FGF12: variants seen among roughly 807,000 people sequenced by gnomAD.
The protein encoded by FGF12 is fibroblast growth factor 12.
Under a neutral mutation model 23.6 loss-of-function variants are expected in FGF12, and 14 were observed. The observed-to-expected ratio is 0.59, with a 90% CI of 0.39 to 0.93. The LOEUF (loss-of-function observed/expected upper bound fraction) is 0.93. Ranked by LOEUF, FGF12 falls within the 40% of genes least tolerant of loss-of-function variation. The probability of loss-of-function intolerance (pLI) is 0.00; values close to 1 mark genes in which losing one functional copy is unlikely to be tolerated. For missense variants in FGF12, 175 were observed against 217.8 expected, an observed-to-expected ratio of 0.80 and a Z score of 1.24; for synonymous variants, 62 against 77.3, an observed-to-expected ratio of 0.80 and a Z score of 1.04.
chr3:192,314,156 G>A (rs753837883), intron 4 of FGF12, among the ~76,000 whole-genome samples: 5 of 152,038 alleles, frequency 3.3e-5, no homozygotes, highest in Admixed American at 2.0e-4. Flanking sequence ...CCAGCCTCCA[G>A]AACTGTGAGA....
rs201341148 is a variant in FGF12, at chr3:192,461,279, A to AG, written c.14-100742dup. 1.8e-3 allele frequency among the ~76,000 whole-genome samples: 277 copies of AG among 152,320 alleles called. 3 individuals carry two copies. In the East Asian group the frequency reaches 0.03, roughly 16 times the overall value. Reference sequence around the variant, plus strand: ...TGCACACCTCCAGCTCAAAACATTCAGGCTTGAGATCATCAAAAAGAAAGT... The same window carrying AG: ...TGCACACCTCCAGCTCAAAACATTCAGGGCTTGAGATCATCAAAAAGAAAGT... On this transcript the variant is annotated intron_variant, in intron 2 of 5. Coordinates refer to ENST00000445105, the MANE Select transcript of FGF12 (RefSeq NM_004113.6).
At chr3:192,345,463 G>C (rs1190154973) in intron 3 of FGF12, among the ~76,000 whole-genome samples, 1 of 43,138 alleles carries the variant, frequency 2.3e-5, no homozygotes, top group Non-Finnish European at 3.4e-5. Flanking sequence ...CGAGGCGGGC[G>C]GATCACGAGG....
chr3:192,201,200 T>G (rs1717348914), intron 4 of FGF12, among the ~76,000 whole-genome samples: 1 of 152,216 alleles, frequency 6.6e-6, no homozygotes, highest in Non-Finnish European at 1.5e-5. Flanking sequence ...GTTCTAAATG[T>G]GTAATTTCCT....
intron 2 of FGF12, among the ~76,000 whole-genome samples, chr3:192,387,880 C>T (rs942885896): frequency 2.1e-4 from 32 of 152,042 alleles, no homozygotes; most frequent in Non-Finnish European, 4.4e-5. Flanking sequence ...CAGTGAGACA[C>T]TGTCTCCAAA....
intron 2 of FGF12, among the ~76,000 whole-genome samples, chr3:192,680,093 C>T (rs1377651172): frequency 6.6e-6 from 1 of 152,104 alleles, no homozygotes; most frequent in Non-Finnish European, 1.5e-5. Context: ...CGATGTTTCG[C>T]ATTGCCTCAG....
chr3:192,467,136 T>C (rs1030219433), intron 2 of FGF12, among the ~76,000 whole-genome samples: 3 of 152,194 alleles, frequency 2.0e-5, no homozygotes, highest in Admixed American at 6.5e-5. Flanking sequence ...GCAAAAGGTT[T>C]TAGAATTTTT....
intron 2 of FGF12, among the ~76,000 whole-genome samples, chr3:192,716,134 T>G (rs1171063631): frequency 2.0e-5 from 3 of 152,334 alleles, no homozygotes; most frequent in African/African-American, 7.2e-5. Flanking sequence ...CAACACCTTC[T>G]GGGAACTTGT....
intron 2 of FGF12, among the ~76,000 whole-genome samples, chr3:192,681,639 C>A (rs1325759778): frequency 6.6e-6 from 1 of 152,196 alleles, no homozygotes; most frequent in Non-Finnish European, 1.5e-5. Flanking sequence ...AGTCAGTTAA[C>A]TGGAAGTCAT....
At chr3:192,509,641 T>C (rs1330999620) in intron 2 of FGF12, among the ~76,000 whole-genome samples, 3 of 152,216 alleles carry the variant, frequency 2.0e-5, no homozygotes, top group African/African-American at 4.8e-5. Context: ...ATTAATTACA[T>C]CTTTGGAAAA....
chr3:192,254,542 A>C (rs1035068716), intron 4 of FGF12, among the ~76,000 whole-genome samples: 2 of 152,062 alleles, frequency 1.3e-5, no homozygotes, highest in Admixed American at 6.6e-5. Flanking sequence ...TTTATCATTG[A>C]AGATAAATTC....
At chr3:192,167,583 AAT>A (rs1452005072) in intron 5 of FGF12, among the ~76,000 whole-genome samples, 2 of 151,204 alleles carry the variant, frequency 1.3e-5, no homozygotes, top group Admixed American at 6.6e-5. Flanking sequence ...AGCTGCTGTT[AAT>A]ATGAGTTTGT....
chr3:192,598,621 T>C (rs191907592), intron 2 of FGF12, among the ~76,000 whole-genome samples: 177 of 152,308 alleles, frequency 1.2e-3, no homozygotes, highest in African/African-American at 4.2e-3. Context: ...ATGCAGGTTC[T>C]GCATCAGTAG....
intron 4 of FGF12, among the ~76,000 whole-genome samples, chr3:192,267,803 T>C (rs1440404229): frequency 6.6e-6 from 1 of 152,210 alleles, no homozygotes; most frequent in African/African-American, 2.4e-5. Context: ...CATTTTAAAT[T>C]ATAAAATATG....
intron 2 of FGF12, among the ~76,000 whole-genome samples, chr3:192,426,032 C>A (rs767505176): frequency 7.9e-5 from 12 of 152,152 alleles, no homozygotes; most frequent in Non-Finnish European, 1.6e-4. Context: ...TAGCTCTTTA[C>A]AAATGTTATT....
intron 2 of FGF12, among the ~76,000 whole-genome samples, chr3:192,675,425 G>T (rs1313438133): frequency 6.6e-6 from 1 of 151,700 alleles, no homozygotes; most frequent in Non-Finnish European, 1.5e-5. Flanking sequence ...TGATATAAGA[G>T]GATTATATAA....
At position 192,139,649 on chromosome 3, in the gene FGF12, G is replaced by C. The variant is rs1241147179; in HGVS notation, c.*4360C>G. The C allele has an allele frequency of 6.6e-6, 1 of 151,910 alleles. No individual in the cohort carries two copies. Among genetic ancestry groups the C allele is most frequent in the Non-Finnish European group, 1.5e-5 (1 of 67,918 alleles). The allele number at this position is 151,910 out of a possible 1,614,324, so 9.4% of individuals were successfully genotyped here. On this transcript the variant is annotated 3_prime_UTR_variant, in exon 6 of 6. Transcript: ENST00000445105. Reference sequence around the variant, plus strand: ...ATCAGCTCATTCTTTCCAACTAATAGAACATTTAATGATGCAATTTTTATT... The same window carrying C: ...ATCAGCTCATTCTTTCCAACTAATACAACATTTAATGATGCAATTTTTATT...
intron 2 of FGF12, among the ~76,000 whole-genome samples, chr3:192,703,550 T>C (rs1718371611): frequency 6.6e-6 from 1 of 152,304 alleles, no homozygotes; most frequent in East Asian, 1.9e-4. Context: ...GACTCTCCCT[T>C]TCACAAAAGT....
chr3:192,365,237 C>T (rs1035359348), intron 2 of FGF12, among the ~76,000 whole-genome samples: 8 of 141,302 alleles, frequency 5.7e-5, no homozygotes, highest in African/African-American at 2.0e-4. Flanking sequence ...CCACCATGTA[C>T]CCATACAAGT....
chr3:192,335,065 C>T (rs1717326344), intron 4 of FGF12, among the ~76,000 whole-genome samples: 1 of 152,128 alleles, frequency 6.6e-6, no homozygotes, highest in African/African-American at 2.4e-5. Context: ...AGAAAAATGT[C>T]TTGCTCTTTG....
Sources: allele counts gnomAD v4.1 joint callset (sites outside exome capture counted in the v4.1 genomes callset), GRCh38; gene constraint gnomAD v4.1.1; transcripts MANE v1.5; gene names NCBI Gene and HGNC (gene_info 2026-07-23, HGNC 2026-07-21).